The following CUX1 variants were observed in gnomAD, a reference collection of about 807,000 sequenced individuals.
The protein encoded by CUX1 is cut like homeobox 1.
A neutral mutation model predicts 158.8 loss-of-function variants in CUX1; 31 were observed. The ratio of observed to expected loss-of-function variants is 0.20; its 90% CI spans 0.15 to 0.26. CUX1 has a LOEUF of 0.26. Ranked by LOEUF, CUX1 falls within the 10% of genes least tolerant of loss-of-function variation. The probability of loss-of-function intolerance (pLI) is 1.00; values close to 1 mark genes in which losing one functional copy is unlikely to be tolerated. For missense variants in CUX1, 1,589 were observed against 2,014.6 expected (o/e 0.79, Z 4.04); for synonymous variants, 879 against 862.1 (o/e 1.02, Z -0.34).
chr7:102,173,301 G>A (rs528405850), intron 10 of CUX1, among the ~76,000 whole-genome samples: 1 of 152,174 alleles, frequency 6.6e-6, no homozygotes. Flanking sequence ...CAGAGGTTGT[G>A]CAGTGAGATC....
intron 1 of CUX1, among the ~76,000 whole-genome samples, chr7:101,844,609 T>C (rs866761622): frequency 9.2e-5 from 14 of 152,062 alleles, no homozygotes; most frequent in African/African-American, 3.4e-4. Flanking sequence ...TTGTCATCGT[T>C]CTTCTTTTTT....
chr7:101,821,540 G>A lies in CUX1; in HGVS notation c.30+3871G>A, dbSNP rs570180933. On this transcript the variant is annotated intron_variant, in intron 1 of 23. Coordinates refer to ENST00000292535, the MANE Select transcript of CUX1 (RefSeq NM_181552.4). Reference sequence around the variant, plus strand: ...TTTTTAGTAGAGACGGGGTTTCACCGTGTTAGCCCGGATGGTCTCGATCTC... The same window carrying A: ...TTTTTAGTAGAGACGGGGTTTCACCATGTTAGCCCGGATGGTCTCGATCTC... Among the ~76,000 whole-genome samples, 80 of 151,116 alleles carry A rather than the reference G, an allele frequency of 5.3e-4. No individual in the cohort carries two copies. In the East Asian group the frequency reaches 9.8e-3, roughly 18 times the overall value.
Position 102,254,010 on chromosome 7 carries a change from G to A in CUX1, c.*4968G>A. 1.0e-6 allele frequency: 1 copy of A among 985,488 alleles called. No individual in the cohort carries two copies. Among genetic ancestry groups the A allele is most frequent in the Non-Finnish European group, 1.2e-6 (1 of 829,970 alleles). The allele number at this position is 985,488 out of a possible 1,614,324, so 61.0% of individuals were successfully genotyped here. A position where few individuals can be genotyped will look rare whatever the true frequency, so the allele number is the denominator to read the frequency against. On this transcript the variant is annotated 3_prime_UTR_variant, in exon 24 of 24. Transcript: ENST00000292535. ...AACTGTGAGGCACGTGGGCTGGAGAGAGCAGAAAAGCTGCCAGCGCAGCAG... is the reference window on the plus strand; with the variant it reads ...AACTGTGAGGCACGTGGGCTGGAGAAAGCAGAAAAGCTGCCAGCGCAGCAG...
intron 6 of CUX1, among the ~76,000 whole-genome samples, chr7:102,104,936 G>A (rs1210704587): frequency 6.6e-6 from 1 of 152,142 alleles, no homozygotes; most frequent in Admixed American, 6.6e-5. Flanking sequence ...TGAGCGAAAT[G>A]CATCTGTCTT....
intron 1 of CUX1, among the ~76,000 whole-genome samples, chr7:101,895,287 G>A (rs900731082): frequency 2.3e-4 from 35 of 152,152 alleles, no homozygotes; most frequent in African/African-American, 8.2e-4. Flanking sequence ...CATGTGGGAA[G>A]TGCTTTTCCT....
intron 16 of CUX1, among the ~76,000 whole-genome samples, chr7:102,199,432 T>C (rs1020542252): frequency 1.3e-5 from 2 of 152,226 alleles, no homozygotes; most frequent in East Asian, 1.9e-4. Context: ...TGGGCCATAG[T>C]AGCCTCATTT....
At chr7:102,277,150 T>C (rs1791663619) in intron 17 of CUX1, among the ~76,000 whole-genome samples, 1 of 151,566 alleles carries the variant, frequency 6.6e-6, no homozygotes, top group Admixed American at 6.6e-5. Flanking sequence ...AATAAAAAAG[T>C]AGCTGGGCAT....
chr7:102,282,627 T>TCCAGG, intron 21 of CUX1: 1 of 1,458,510 alleles, frequency 6.9e-7, no homozygotes, highest in Non-Finnish European at 9.4e-7. Flanking sequence ...ACCTTTATGT[T>TCCAGG]CCAGGCCAGG....
intron 21 of CUX1, among the ~76,000 whole-genome samples, chr7:102,282,333 C>T (rs1171421269): frequency 6.6e-6 from 1 of 152,130 alleles, no homozygotes; most frequent in African/African-American, 2.4e-5. Flanking sequence ...CGGATAAGGG[C>T]CTCCATGTCT....
intron 2 of CUX1, among the ~76,000 whole-genome samples, chr7:101,995,211 TG>T (rs1216886800): frequency 6.6e-6 from 1 of 152,174 alleles, no homozygotes; most frequent in Admixed American, 6.5e-5. Flanking sequence ...CCATTCTGCC[TG>T]GATGCCTTAG....
In CUX1 at chr7:102,252,922, G is replaced by A; in HGVS notation, c.*3880G>A. 1 of 985,484 alleles carries A rather than the reference G, an allele frequency of 1.0e-6. No individual in the cohort carries two copies. The highest frequency in any genetic ancestry group is 1.2e-6 in the Non-Finnish European group (1 of 829,948). The allele number at this position is 985,484 out of a possible 1,614,324, so 61.0% of individuals were successfully genotyped here. A position where few individuals can be genotyped will look rare whatever the true frequency, so the allele number is the denominator to read the frequency against. On this transcript the variant is annotated 3_prime_UTR_variant, in exon 24 of 24. Coordinates refer to ENST00000292535, the MANE Select transcript of CUX1 (RefSeq NM_181552.4). The stretch of plus-strand genomic sequence containing the variant: ...CAGCTTCTAAGCGTCTCCTGGGACA[G>A]GATTGGGGTGACAGCCCAGGGATGC...
At chr7:102,208,834 G>T (rs1483902065) in intron 20 of CUX1, among the ~76,000 whole-genome samples, 1 of 152,212 alleles carries the variant, frequency 6.6e-6, no homozygotes, top group African/African-American at 2.4e-5. Flanking sequence ...ACCAATGTCT[G>T]CAGAAAGGTC....
chr7:102,263,221 G>T (rs1790543381), downstream of CUX1, among the ~76,000 whole-genome samples: 1 of 150,220 alleles, frequency 6.7e-6, no homozygotes, highest in Admixed American at 6.7e-5. Context: ...CACCACATTG[G>T]CCAGGCTGGT....
chr7:102,040,256 C>T (rs533882703), intron 3 of CUX1, among the ~76,000 whole-genome samples: 6 of 152,144 alleles, frequency 3.9e-5, no homozygotes, highest in Non-Finnish European at 2.9e-5. Context: ...CTTCAGTCAT[C>T]CAGGGAGGCC....
chr7:101,824,046 C>G (rs1792976401), intron 1 of CUX1, among the ~76,000 whole-genome samples: 1 of 152,312 alleles, frequency 6.6e-6, no homozygotes, highest in South Asian at 2.1e-4. Flanking sequence ...TTTGTTTTCT[C>G]TAACATAGTT....
intron 20 of CUX1, among the ~76,000 whole-genome samples, chr7:102,216,424 G>A (rs554175287): frequency 7.9e-5 from 12 of 152,028 alleles, no homozygotes; most frequent in East Asian, 7.8e-4. Flanking sequence ...TGGGCACACC[G>A]GCCAGAGAGC....
chr7:101,964,896 C>G (rs1810963503), intron 2 of CUX1, among the ~76,000 whole-genome samples: 1 of 152,210 alleles, frequency 6.6e-6, no homozygotes, highest in Non-Finnish European at 1.5e-5. Context: ...TATCTCATCT[C>G]CACCTGATCC....
At chr7:102,068,604 C>T (rs185104429) in intron 3 of CUX1, among the ~76,000 whole-genome samples, 3 of 152,312 alleles carry the variant, frequency 2.0e-5, no homozygotes, top group Non-Finnish European at 2.9e-5. Flanking sequence ...CAGTTCTGAG[C>T]GCCCCACATC....
chr7:101,906,065 A>AT (rs991783289), intron 1 of CUX1, among the ~76,000 whole-genome samples: 2 of 151,116 alleles, frequency 1.3e-5, no homozygotes, highest in African/African-American at 4.9e-5. Context: ...GGCTCAAGTG[A>AT]TCCCCCCACC....
Sources: gnomAD v4.1 joint callset for allele counts (sites outside exome capture counted in the v4.1 genomes callset) on GRCh38, gnomAD v4.1.1 for gene constraint, MANE v1.5 for transcripts, NCBI Gene and HGNC (gene_info 2026-07-23, HGNC 2026-07-21) for gene names.